Variants in AGBL3 observed in about 807,000 individuals in gnomAD.
The protein encoded by AGBL3 is cytosolic carboxypeptidase 3.
Under a neutral mutation model 94.5 loss-of-function variants are expected in AGBL3, and 68 were observed. That is an observed-to-expected ratio of 0.72 (90% CI 0.59 to 0.88). The LOEUF is 0.88. Ranked by LOEUF, AGBL3 falls within the 40% of genes least tolerant of loss-of-function variation. AGBL3 has a pLI of 0.00. For synonymous variants in AGBL3, 354 were observed against 370.7 expected (o/e 0.95, Z 0.52); for missense variants, 934 against 1,103.8 (o/e 0.85, Z 2.18).
chr7:135,061,382 TA>T (rs933125899), intron 12 of AGBL3, among the ~76,000 whole-genome samples: 1 of 152,168 alleles, frequency 6.6e-6, no homozygotes, highest in Non-Finnish European at 1.5e-5. Flanking sequence ...AAAGGCTTTT[TA>T]GTTTGATGTA....
At chr7:134,994,015 G>A (rs1334715862) in intron 4 of AGBL3, among the ~76,000 whole-genome samples, 1 of 152,194 alleles carries the variant, frequency 6.6e-6, no homozygotes, top group Admixed American at 6.5e-5. Flanking sequence ...AGCCACATGG[G>A]CTTAAATGGA....
At chr7:135,021,711 G>A (rs1030013106) in intron 5 of AGBL3, among the ~76,000 whole-genome samples, 1 of 140,678 alleles carries the variant, frequency 7.1e-6, no homozygotes, top group African/African-American at 2.6e-5. Flanking sequence ...GTGCAGGTTT[G>A]TTACACAGGT....
At position 134,987,859 on chromosome 7, in the gene AGBL3, C is replaced by T. The variant is rs1809670553; in HGVS notation, c.-59-16C>T. 9 of 1,070,416 alleles carry T rather than the reference C, an allele frequency of 8.4e-6. No homozygotes were observed. The East Asian group carries it at 2.4e-4, about 28-fold the overall frequency. 66.3% of individuals were successfully genotyped at this position (1,070,416 alleles called of 1,614,324 possible). A position where few individuals can be genotyped will look rare whatever the true frequency, so the allele number is the denominator to read the frequency against. On this transcript the variant is annotated splice_polypyrimidine_tract_variant and intron_variant, in intron 1 of 16. Coordinates refer to ENST00000436302, the MANE Select transcript of AGBL3 (RefSeq NM_178563.4). ...CCTACAGCTTGAAAAGAAAAGCTGT[C>T]ATATAATTTCCTTAGAAATTGTTTT...
At chr7:135,020,158 A>G (rs982994609) in intron 5 of AGBL3, among the ~76,000 whole-genome samples, 3 of 152,170 alleles carry the variant, frequency 2.0e-5, no homozygotes, top group African/African-American at 7.2e-5. Flanking sequence ...TTTGCAATCT[A>G]CTCATCGGAC....
chr7:135,101,078 A>G, intron 15 of AGBL3: 1 of 400,980 alleles, frequency 2.5e-6, no homozygotes, highest in South Asian at 1.8e-5. Flanking sequence ...AATTTTTTTC[A>G]TCTCCCAAAG....
chr7:135,108,786 T>C (rs1004712924), intron 15 of AGBL3, among the ~76,000 whole-genome samples: 2 of 152,224 alleles, frequency 1.3e-5, no homozygotes, highest in African/African-American at 4.8e-5. Context: ...TCCTGAAATG[T>C]TTTGCTTTTT....
intron 15 of AGBL3, among the ~76,000 whole-genome samples, chr7:135,114,914 A>G (rs1297486387): frequency 6.6e-6 from 1 of 152,208 alleles, no homozygotes; most frequent in African/African-American, 2.4e-5. Context: ...ACATGAGCTG[A>G]GTCCATGTTA....
chr7:135,034,014 C>T, intron 6 of AGBL3, 135 bp from the exon 7 acceptor site: 2 of 815,944 alleles, frequency 2.5e-6, no homozygotes, highest in South Asian at 5.7e-5. Flanking sequence ...TACATTGTTT[C>T]CTAACAAAGC....
At chr7:135,060,180 T>G (rs1322713224) in intron 12 of AGBL3, among the ~76,000 whole-genome samples, 3 of 152,220 alleles carry the variant, frequency 2.0e-5, no homozygotes, top group African/African-American at 7.2e-5. Context: ...ATCCAGCAGA[T>G]TTTTCTGTCT....
chr7:135,125,078 CA>C (rs758413481), intron 16 of AGBL3, among the ~76,000 whole-genome samples: 1 of 151,616 alleles, frequency 6.6e-6, no homozygotes, highest in African/African-American at 2.4e-5. Context: ...GATAGAGACA[CA>C]AAAAACTCCC....
At chr7:135,026,841 T>C (rs965748793) in intron 5 of AGBL3, among the ~76,000 whole-genome samples, 1 of 151,644 alleles carries the variant, frequency 6.6e-6, no homozygotes, top group Non-Finnish European at 1.5e-5. Context: ...GCATTTCGTG[T>C]ATTTGCATAT....
At chr7:134,992,535 T>A (rs752127953) in intron 3 of AGBL3, among the ~76,000 whole-genome samples, 2 of 152,226 alleles carry the variant, frequency 1.3e-5, no homozygotes, top group Non-Finnish European at 2.9e-5. Context: ...TCACCCTGTA[T>A]GGCAATTGTC....
At chr7:134,991,700 T>C (rs781359945) in intron 3 of AGBL3, among the ~76,000 whole-genome samples, 1 of 152,124 alleles carries the variant, frequency 6.6e-6, no homozygotes, top group Non-Finnish European at 1.5e-5. Flanking sequence ...AAATAGGATA[T>C]TATCATTGTT....
chr7:135,056,127 G>A (rs1218936604), intron 11 of AGBL3, among the ~76,000 whole-genome samples: 1 of 151,952 alleles, frequency 6.6e-6, no homozygotes, highest in African/African-American at 2.4e-5. Flanking sequence ...TATTTCTGAT[G>A]TTAGCAAGTT....
In AGBL3 at chr7:135,130,896, C is replaced by T. The variant is rs1205473909; in HGVS notation, c.2343-3945C>T. 4.6e-5 allele frequency among the ~76,000 whole-genome samples: 7 copies of T among 151,918 alleles called. No homozygotes were observed. The South Asian group carries it at 6.2e-4, about 14-fold the overall frequency. On this transcript the variant is annotated intron_variant, in intron 16 of 16. Coordinates refer to ENST00000436302, the MANE Select transcript of AGBL3 (RefSeq NM_178563.4). ...CTTTTGAAAAATTGTCTTTCGTTAT[C>T]GTTGGTGGGTGGCTTAGAAGCAAAG...
rs563389535 is a variant in AGBL3, at chr7:135,001,160, C to T, written c.310+7482C>T. 4.6e-5 allele frequency among the ~76,000 whole-genome samples: 7 copies of T among 152,264 alleles called. No individual in the cohort carries two copies. In the East Asian group the frequency reaches 5.8e-4, roughly 13 times the overall value. ...CACATGAAGTCCATTTAAATATTTC[C>T]GTTTTAATCTCAACTTTCACCTTAA... On this transcript the variant is annotated intron_variant, in intron 4 of 16. Transcript: ENST00000436302.
intron 12 of AGBL3, among the ~76,000 whole-genome samples, chr7:135,073,201 C>T (rs1327353215): frequency 6.6e-6 from 1 of 152,082 alleles, no homozygotes; most frequent in Non-Finnish European, 1.5e-5. Flanking sequence ...GGCATGGTGG[C>T]TCATGCCTGT....
intron 12 of AGBL3, among the ~76,000 whole-genome samples, chr7:135,059,640 G>A (rs1331354612): frequency 1.3e-5 from 2 of 152,122 alleles, no homozygotes; most frequent in Non-Finnish European, 2.9e-5. Context: ...CTTTCCCTTT[G>A]TTATCTTACA....
chr7:134,987,171 T>C (rs750497770), intron 1 of AGBL3, among the ~76,000 whole-genome samples: 69 of 152,208 alleles, frequency 4.5e-4, no homozygotes, highest in Non-Finnish European at 8.5e-4. Context: ...TTAACTTATA[T>C]GTAGTCCACG....
Sources: gnomAD v4.1 joint callset for allele counts (sites outside exome capture counted in the v4.1 genomes callset) on GRCh38, gnomAD v4.1.1 for gene constraint, MANE v1.5 for transcripts, NCBI Gene and HGNC (gene_info 2026-07-23, HGNC 2026-07-21) for gene names.